Variants in LDLRAD3 observed in about 807,000 individuals in gnomAD.
LDLRAD3 encodes low density lipoprotein receptor class A domain containing 3.
LDLRAD3 carries 20 observed loss-of-function variants against 29.4 expected under a neutral mutation model. The ratio of observed to expected loss-of-function variants is 0.68; its 90% confidence interval spans 0.48 to 0.99. LDLRAD3 has a LOEUF of 0.99. Ranked by LOEUF, LDLRAD3 falls within the 50% of genes least tolerant of loss-of-function variation. The pLI, the probability that LDLRAD3 is intolerant of heterozygous loss-of-function variation, is 0.00. For synonymous variants in LDLRAD3, 157 were observed against 192.7 expected (o/e 0.81, Z 1.53); for missense variants, 420 against 454.3 (o/e 0.92, Z 0.69).
intron 4 of LDLRAD3, among the ~76,000 whole-genome samples, chr11:36,174,942 A>T (rs1590331848): frequency 6.6e-6 from 1 of 152,000 alleles, no homozygotes; most frequent in African/African-American, 2.4e-5. Flanking sequence ...AGATCGTGCT[A>T]CTCCACTCCA....
intron 1 of LDLRAD3, among the ~76,000 whole-genome samples, chr11:35,998,298 G>T (rs1203688363): frequency 6.6e-6 from 1 of 152,178 alleles, no homozygotes; most frequent in East Asian, 1.9e-4. Flanking sequence ...GGCAGAGAAA[G>T]GCATTTTTCC....
chr11:36,076,910 G>C (rs1318681179), intron 2 of LDLRAD3, among the ~76,000 whole-genome samples: 3 of 151,984 alleles, frequency 2.0e-5, no homozygotes, highest in Non-Finnish European at 2.9e-5. Flanking sequence ...ACTTAGGCTG[G>C]TTCTTTTCTT....
At chr11:36,148,399 G>C (rs148018441) in intron 4 of LDLRAD3, among the ~76,000 whole-genome samples, 23 of 152,242 alleles carry the variant, frequency 1.5e-4, no homozygotes, top group African/African-American at 5.3e-4. Context: ...TGGGGTGACT[G>C]TAGGGGCATC....
At chr11:35,948,904 G>A (rs550617211) in intron 1 of LDLRAD3, among the ~76,000 whole-genome samples, 1 of 152,280 alleles carries the variant, frequency 6.6e-6, no homozygotes, top group South Asian at 2.1e-4. Context: ...ACCCACAGCG[G>A]TGACAGCCAC....
intron 2 of LDLRAD3, among the ~76,000 whole-genome samples, chr11:36,048,937 C>T (rs1007318480): frequency 4.6e-5 from 7 of 152,208 alleles, no homozygotes; most frequent in Non-Finnish European, 1.5e-5. Flanking sequence ...TCTCGCCAGT[C>T]TTCTTCCCCA....
intron 4 of LDLRAD3, among the ~76,000 whole-genome samples, chr11:36,107,265 A>T (rs1035503067): frequency 6.6e-6 from 1 of 150,528 alleles, no homozygotes; most frequent in African/African-American, 2.5e-5. Context: ...CAATGGCGCG[A>T]TCTTGGCTCA....
At chr11:36,007,530 G>A (rs752989950) in intron 1 of LDLRAD3, among the ~76,000 whole-genome samples, 11 of 152,206 alleles carry the variant, frequency 7.2e-5, no homozygotes, top group African/African-American at 1.2e-4. Context: ...AGGGAGGGAA[G>A]AGGCGAAGGC....
chr11:36,195,373 GAAC>G (rs1365852928), intron 4 of LDLRAD3, among the ~76,000 whole-genome samples: 14 of 152,148 alleles, frequency 9.2e-5, no homozygotes, highest in Admixed American at 8.5e-4. Context: ...AGCACACTGT[GAAC>G]ACCACCATTC....
intron 4 of LDLRAD3, among the ~76,000 whole-genome samples, chr11:36,174,985 AAAAAG>A (rs1200885848): frequency 1.3e-5 from 2 of 152,222 alleles, no homozygotes; most frequent in Non-Finnish European, 2.9e-5. Flanking sequence ...CGTCTCAAAA[AAAAAG>A]AAAAGAAAAG....
chr11:36,229,455 A>T lies in LDLRAD3; in HGVS notation c.*58A>T. 2.3e-6 allele frequency: 3 copies of T among 1,280,350 alleles called. No individual in the cohort carries two copies. Among genetic ancestry groups the T allele is most frequent in the Non-Finnish European group, 3.3e-6 (3 of 897,130 alleles). The allele number at this position is 1,280,350 out of a possible 1,614,324, so 79.3% of individuals were successfully genotyped here. A position where few individuals can be genotyped will look rare whatever the true frequency, so the allele number is the denominator to read the frequency against. Reference sequence around the variant, plus strand: ...TCTGCTCTGACTTGTTGCCATTCTAACAATTTGTGCTCATGGGAAGCTCTT... The same window carrying T: ...TCTGCTCTGACTTGTTGCCATTCTATCAATTTGTGCTCATGGGAAGCTCTT... On this transcript the variant is annotated 3_prime_UTR_variant, in exon 6 of 6. Transcript: ENST00000315571.
rs1206314023 is a variant in LDLRAD3, at chr11:36,033,884, T to C, written c.47-2219T>C. ...CTTGGCTCGGTGGAACAGAGCATCA[T>C]GATTAATTAGGGATGGCTGACTTTG... On this transcript the variant is annotated intron_variant, in intron 1 of 5. Coordinates refer to ENST00000315571, the MANE Select transcript of LDLRAD3 (RefSeq NM_174902.4). 3.3e-5 allele frequency among the ~76,000 whole-genome samples: 5 copies of C among 152,222 alleles called. No individual in the cohort carries two copies. In the East Asian group the frequency reaches 9.6e-4, roughly 29 times the overall value.
In LDLRAD3 at chr11:36,189,227, T is replaced by G. The variant is rs868202461; in HGVS notation, c.455-37858T>G. Among the ~76,000 whole-genome samples, 4 of 152,186 alleles carry G rather than the reference T, an allele frequency of 2.6e-5. No individual in the cohort carries two copies. In the South Asian group the frequency reaches 8.3e-4, roughly 31 times the overall value. Reference sequence around the variant, plus strand: ...TAGGCTGGATGCAGTGGCTCACACCTGTAATCCCAACACTTTGGGAGGCTG... The same window carrying G: ...TAGGCTGGATGCAGTGGCTCACACCGGTAATCCCAACACTTTGGGAGGCTG... On this transcript the variant is annotated intron_variant, in intron 4 of 5. Transcript: ENST00000315571.
intron 4 of LDLRAD3, among the ~76,000 whole-genome samples, chr11:36,165,856 T>C (rs1854505111): frequency 6.9e-6 from 1 of 144,834 alleles, no homozygotes; most frequent in African/African-American, 2.6e-5. Flanking sequence ...TTTCAAAAAA[T>C]AAGTGATCTC....
chr11:36,219,516 G>T (rs2133387794), intron 4 of LDLRAD3, among the ~76,000 whole-genome samples: 1 of 152,292 alleles, frequency 6.6e-6, no homozygotes, highest in African/African-American at 2.4e-5. Context: ...ATGGTCAATT[G>T]ATTTTCAACA....
chr11:35,959,352 T>C (rs146489670), intron 1 of LDLRAD3, among the ~76,000 whole-genome samples: 2,054 of 152,356 alleles, frequency 0.013, 17 homozygotes, highest in Non-Finnish European at 0.021. Flanking sequence ...CTCTGACTTC[T>C]TAATGGCTGC....
chr11:35,982,976 C>G (rs1040800035), intron 1 of LDLRAD3, among the ~76,000 whole-genome samples: 3 of 151,892 alleles, frequency 2.0e-5, no homozygotes, highest in African/African-American at 7.3e-5. Flanking sequence ...GCCTCAGCCT[C>G]CCGAGTTGCT....
intron 4 of LDLRAD3, among the ~76,000 whole-genome samples, chr11:36,147,181 G>A (rs1854209510): frequency 8.1e-6 from 1 of 124,142 alleles, no homozygotes; most frequent in Non-Finnish European, 1.6e-5. Context: ...GCAGTGGCAT[G>A]ATCTCGGCTC....
intron 5 of LDLRAD3, among the ~76,000 whole-genome samples, chr11:36,228,459 C>T (rs2133395169): frequency 6.6e-6 from 1 of 152,248 alleles, no homozygotes; most frequent in Non-Finnish European, 1.5e-5. Context: ...TTGCTGTTTA[C>T]CAGTTATTTC....
chr11:36,187,548 C>T lies in LDLRAD3; in HGVS notation c.455-39537C>T, dbSNP rs116554259. Among the ~76,000 whole-genome samples, 883 of 152,176 alleles carry T rather than the reference C, an allele frequency of 5.8e-3. 12 individuals carry two copies. Among genetic ancestry groups the T allele is most frequent in the African/African-American group, 0.02 (838 of 41,546 alleles). ...TGGATATATTAACCACTCTTTTTTC[C>T]GTATTTCTAACTTTAGTCAAGGTGG... On this transcript the variant is annotated intron_variant, in intron 4 of 5. Coordinates refer to ENST00000315571, the MANE Select transcript of LDLRAD3 (RefSeq NM_174902.4).
Sources: allele counts gnomAD v4.1 joint callset (sites outside exome capture counted in the v4.1 genomes callset), GRCh38; gene constraint gnomAD v4.1.1; transcripts MANE v1.5; gene names NCBI Gene and HGNC (gene_info 2026-07-23, HGNC 2026-07-21).